The following TMC1 variants were observed in gnomAD, a reference collection of about 807,000 sequenced individuals.
TMC1 encodes transmembrane channel-like protein 1.
A neutral mutation model predicts 105.8 loss-of-function variants in TMC1; 84 were observed. The observed-to-expected ratio is 0.79, with a 90% CI of 0.67 to 0.95. The LOEUF is 0.95. TMC1 is among the 40% of genes least tolerant of loss of function. The pLI is 0.00. For missense variants in TMC1, 817 were observed against 914.1 expected (o/e 0.89, Z 1.37); for synonymous variants, 315 against 311.5 (o/e 1.01, Z -0.12).
In TMC1 at chr9:72,836,367, T is replaced by G. The variant is rs1273099403; in HGVS notation, c.*394T>G. On this transcript the variant is annotated 3_prime_UTR_variant, in exon 24 of 24. Coordinates refer to ENST00000297784, the MANE Select transcript of TMC1 (RefSeq NM_138691.3). ...TTCTTTTGCCTGAGTTTCCTTAAACTGAGAGCAGAAATATTTCACCCTTTT... is the reference window on the plus strand; with the variant it reads ...TTCTTTTGCCTGAGTTTCCTTAAACGGAGAGCAGAAATATTTCACCCTTTT... 5.0e-6 allele frequency: 1 copy of G among 198,858 alleles called. No individual in the cohort carries two copies. The highest frequency in any genetic ancestry group is 2.3e-5 in the African/African-American group (1 of 42,658). 12.3% of individuals were successfully genotyped at this position (198,858 alleles called of 1,614,324 possible). A position where few individuals can be genotyped will look rare whatever the true frequency, so the allele number is the denominator to read the frequency against.
chr9:72,702,956 G>A (rs780186549), intron 8 of TMC1, among the ~76,000 whole-genome samples: 22 of 151,956 alleles, frequency 1.4e-4, no homozygotes, highest in Admixed American at 6.6e-4. Flanking sequence ...TAAGGAGACC[G>A]CACCTGACTC....
At chr9:72,569,714 C>A (rs1319287251) in intron 1 of TMC1, among the ~76,000 whole-genome samples, 1 of 152,140 alleles carries the variant, frequency 6.6e-6, no homozygotes, top group Non-Finnish European at 1.5e-5. Flanking sequence ...GCAGGAGGAG[C>A]TCCTGAAGGG....
intron 14 of TMC1, 28 bp from the exon 15 acceptor site, chr9:72,789,095 G>A: frequency 3.8e-6 from 6 of 1,598,208 alleles, no homozygotes; most frequent in Non-Finnish European, 5.1e-6. Context: ...TTGGGTTTTT[G>A]TTTGTTTGTT....
chr9:72,762,313 G>T (rs984733759), intron 12 of TMC1, among the ~76,000 whole-genome samples: 2 of 152,134 alleles, frequency 1.3e-5, no homozygotes, highest in Non-Finnish European at 2.9e-5. Flanking sequence ...AAAACAGTTT[G>T]GTCCACTCTG....
At chr9:72,812,164 T>C (rs180714885) in intron 18 of TMC1, among the ~76,000 whole-genome samples, 8 of 152,210 alleles carry the variant, frequency 5.3e-5, no homozygotes, top group African/African-American at 4.8e-5. Context: ...ACTAAACCTA[T>C]GGCTTTTGGA....
At chr9:72,548,607 T>C (rs1823810151) in intron 1 of TMC1, among the ~76,000 whole-genome samples, 1 of 152,058 alleles carries the variant, frequency 6.6e-6, no homozygotes, top group African/African-American at 2.4e-5. Flanking sequence ...TGCAATTGTT[T>C]AGAATTTAAG....
chr9:72,602,534 T>G (rs976728834), intron 2 of TMC1, among the ~76,000 whole-genome samples: 2 of 151,916 alleles, frequency 1.3e-5, no homozygotes, highest in African/African-American at 4.8e-5. Flanking sequence ...GCTACCATGC[T>G]TGGCTAATTT....
intron 1 of TMC1, among the ~76,000 whole-genome samples, chr9:72,549,691 A>G (rs9777243): frequency 0.53 from 78,404 of 147,866 alleles, 21,413 homozygotes; most frequent in African/African-American, 0.7. Flanking sequence ...GCTCACTGCA[A>G]CCTCCACCTC....
intron 5 of TMC1, chr9:72,651,287 C>T (rs1454665205): frequency 6.6e-6 from 1 of 152,018 alleles, no homozygotes; most frequent in African/African-American, 2.4e-5. Flanking sequence ...GCAAATTTAT[C>T]TGCCTGGATA....
At chr9:72,747,175 G>T (rs1043679779) in intron 10 of TMC1, among the ~76,000 whole-genome samples, 7 of 152,118 alleles carry the variant, frequency 4.6e-5, no homozygotes, top group African/African-American at 1.7e-4. Flanking sequence ...GCAAGCCAAA[G>T]CACAGGGCTT....
At chr9:72,629,673 T>C (rs918006280) in intron 4 of TMC1, among the ~76,000 whole-genome samples, 21 of 152,222 alleles carry the variant, frequency 1.4e-4, no homozygotes, top group African/African-American at 5.1e-4. Flanking sequence ...TGAGAGCATA[T>C]AACTTATATG....
intron 15 of TMC1, among the ~76,000 whole-genome samples, chr9:72,791,158 T>C (rs113804164): frequency 2.6e-5 from 4 of 152,104 alleles, no homozygotes; most frequent in African/African-American, 7.2e-5. Context: ...AAAGCACATG[T>C]TTCCTACTTT....
intron 23 of TMC1, among the ~76,000 whole-genome samples, chr9:72,834,967 T>G (rs1403388755): frequency 6.6e-6 from 1 of 152,214 alleles, no homozygotes; most frequent in Non-Finnish European, 1.5e-5. Context: ...AGAGATTTTA[T>G]GTGTAAATTA....
intron 23 of TMC1, among the ~76,000 whole-genome samples, chr9:72,831,924 A>T (rs977635315): frequency 6.6e-6 from 1 of 151,654 alleles, no homozygotes; most frequent in African/African-American, 2.4e-5. Context: ...TTATAGCAGC[A>T]TGATTTATAA....
At chr9:72,705,597 T>C (rs374498467) in intron 8 of TMC1, among the ~76,000 whole-genome samples, 56 of 152,274 alleles carry the variant, frequency 3.7e-4, no homozygotes, top group African/African-American at 1.3e-3. Context: ...AAAGCATTGA[T>C]TGGAAGAAAG....
chr9:72,542,532 A>G (rs1823695708), intron 1 of TMC1, among the ~76,000 whole-genome samples: 1 of 152,014 alleles, frequency 6.6e-6, no homozygotes, highest in South Asian at 2.1e-4. Flanking sequence ...AGGTGGGAGA[A>G]TCACTTGAAC....
chr9:72,623,821 A>T (rs1292091507), intron 3 of TMC1, among the ~76,000 whole-genome samples: 1 of 152,168 alleles, frequency 6.6e-6, no homozygotes, highest in Non-Finnish European at 1.5e-5. Context: ...AGTAAATGAT[A>T]AGACCAGTGA....
chr9:72,649,071 A>G (rs1379675734), intron 5 of TMC1, among the ~76,000 whole-genome samples: 3 of 152,204 alleles, frequency 2.0e-5, no homozygotes, highest in African/African-American at 7.2e-5. Context: ...TTATGAGTTA[A>G]GCAAAGTTCT....
At chr9:72,778,897 C>T (rs1462070172) in intron 13 of TMC1, among the ~76,000 whole-genome samples, 1 of 152,182 alleles carries the variant, frequency 6.6e-6, no homozygotes, top group African/African-American at 2.4e-5. Context: ...AAGCCTCCAC[C>T]CGCACACAAC....
Sources: allele counts gnomAD v4.1 joint callset (sites outside exome capture counted in the v4.1 genomes callset), GRCh38; gene constraint gnomAD v4.1.1; transcripts MANE v1.5; gene names NCBI Gene and HGNC (gene_info 2026-07-23, HGNC 2026-07-21).